The following DGAT2L6 variants were observed in gnomAD, a reference collection of about 807,000 sequenced individuals.
DGAT2L6 encodes the protein diacylglycerol O-acyltransferase 2-like protein 6.
Under a neutral mutation model 25.5 loss-of-function variants are expected in DGAT2L6, and 22 were observed. That is an observed-to-expected ratio of 0.86 (90% CI 0.62 to 1.23). DGAT2L6 has a LOEUF of 1.23. Ranked by LOEUF, DGAT2L6 falls within the 50% of genes most tolerant of loss-of-function variation. The pLI, the probability that DGAT2L6 is intolerant of heterozygous loss-of-function variation, is 0.00. For synonymous variants in DGAT2L6, 100 were observed against 94.7 expected (o/e 1.06, Z -0.32); for missense variants, 287 against 253.2 (o/e 1.13, Z -0.91).
At position 70,204,478 on chromosome X, in the gene DGAT2L6, G is replaced by GGAA; in HGVS notation, c.822_823insAAG (p.Trp274_Gly275insLys). 1 of 1,211,107 alleles carries GGAA rather than the reference G, an allele frequency of 8.3e-7. No homozygotes were observed. The highest frequency in any genetic ancestry group is 1.1e-6 in the Non-Finnish European group (1 of 895,484). On this transcript the variant is annotated inframe_insertion, in exon 6 of 7. Transcript: ENST00000333026. ...GGCCGGGGCTTCACTCGCGGATCCT[G>GGAA]GGGCTTCCTGCCTTTCAATCGGCCC...
chrX:70,178,504 G>A (rs191082185), intron 1 of DGAT2L6, among the ~76,000 whole-genome samples: 497 of 110,760 alleles, frequency 4.5e-3, no homozygotes, highest in Non-Finnish European at 6.4e-3. Flanking sequence ...AACGGCAAAC[G>A]GGCTGACAGC....
intron 1 of DGAT2L6, among the ~76,000 whole-genome samples, chrX:70,190,984 C>G (rs774707252): frequency 8.9e-6 from 1 of 112,032 alleles, no homozygotes; most frequent in Non-Finnish European, 1.9e-5. Context: ...CCGGGCCTGT[C>G]CTGCCTGCCC....
intron 5 of DGAT2L6, 126 bp from the exon 6 acceptor site, chrX:70,204,179 A>T: frequency 1.9e-6 from 1 of 516,862 alleles, no homozygotes; most frequent in Non-Finnish European, 3.3e-6. Flanking sequence ...GGACATGAAG[A>T]TGGAGATGTT....
chrX:70,192,352 T>A (rs772728410), intron 1 of DGAT2L6, among the ~76,000 whole-genome samples: 25 of 112,375 alleles, frequency 2.2e-4, no homozygotes, highest in African/African-American at 6.5e-4. Context: ...GGTGTTTAAG[T>A]TGAAATGAAA....
chrX:70,183,684 CA>C (rs1422082646), intron 1 of DGAT2L6, among the ~76,000 whole-genome samples: 1 of 111,699 alleles, frequency 9.0e-6, no homozygotes, highest in Non-Finnish European at 1.9e-5. Flanking sequence ...CTCCCTTGGA[CA>C]TCCTTTTTGG....
At chrX:70,193,318 A>G (rs1265080678) in intron 1 of DGAT2L6, among the ~76,000 whole-genome samples, 1 of 110,476 alleles carries the variant, frequency 9.1e-6, no homozygotes, top group Non-Finnish European at 1.9e-5. Flanking sequence ...AAAAGAAAAA[A>G]AAAAAAAAGG....
intron 4 of DGAT2L6, among the ~76,000 whole-genome samples, chrX:70,201,593 G>A (rs972160041): frequency 3.6e-5 from 4 of 110,530 alleles, no homozygotes; most frequent in Non-Finnish European, 7.6e-5. Flanking sequence ...AGAGGGATGA[G>A]GTGGGCTTAG....
intron 1 of DGAT2L6, among the ~76,000 whole-genome samples, chrX:70,196,530 A>G (rs1460994212): frequency 9.2e-6 from 1 of 108,464 alleles, no homozygotes; most frequent in African/African-American, 3.3e-5. Flanking sequence ...AAAAGAAAAA[A>G]GAAAGAAAGA....
intron 1 of DGAT2L6, among the ~76,000 whole-genome samples, chrX:70,185,885 T>G (rs996275839): frequency 9.1e-6 from 1 of 110,376 alleles, no homozygotes; most frequent in Non-Finnish European, 1.9e-5. Context: ...TTTGTTTTTT[T>G]TTTTTAAATT....
intron 1 of DGAT2L6, among the ~76,000 whole-genome samples, chrX:70,177,934 C>G (rs1385541489): frequency 1.8e-5 from 2 of 108,628 alleles, no homozygotes; most frequent in Non-Finnish European, 3.8e-5. Flanking sequence ...TGAGACCAGC[C>G]TGGCCAACAT....
intron 1 of DGAT2L6, among the ~76,000 whole-genome samples, chrX:70,181,978 C>G (rs1453659238): frequency 9.0e-6 from 1 of 111,599 alleles, no homozygotes; most frequent in Admixed American, 9.5e-5. Context: ...ACAGAAATGT[C>G]TGCCTTCCTC....
At chrX:70,195,606 A>C (rs1602692217) in intron 1 of DGAT2L6, among the ~76,000 whole-genome samples, 2 of 111,853 alleles carry the variant, frequency 1.8e-5, no homozygotes, top group African/African-American at 6.5e-5. Flanking sequence ...ATATGATCTC[A>C]TTAGAGCTGG....
chrX:70,195,649 T>C (rs1017000216), intron 1 of DGAT2L6, among the ~76,000 whole-genome samples: 5 of 111,822 alleles, frequency 4.5e-5, no homozygotes, highest in Admixed American at 9.5e-5. Context: ...TCCTAGCTAC[T>C]CAGGAGGCTG....
intron 1 of DGAT2L6, among the ~76,000 whole-genome samples, chrX:70,185,123 G>A (rs1285986610): frequency 9.0e-6 from 1 of 110,975 alleles, no homozygotes; most frequent in Non-Finnish European, 1.9e-5. Flanking sequence ...TTCCTTCCCA[G>A]CTTCATCTCC....
chrX:70,183,613 G>A (rs2085350499), intron 1 of DGAT2L6, among the ~76,000 whole-genome samples: 1 of 111,686 alleles, frequency 9.0e-6, no homozygotes, highest in Admixed American at 9.5e-5. Flanking sequence ...CTAACTTGAA[G>A]GTCTTCCAGA....
intron 1 of DGAT2L6, among the ~76,000 whole-genome samples, chrX:70,182,974 G>T (rs1393562795): frequency 9.2e-6 from 1 of 109,007 alleles, no homozygotes; most frequent in Non-Finnish European, 1.9e-5. Context: ...TGTATTTTTA[G>T]TAGAGACAGG....
intron 1 of DGAT2L6, among the ~76,000 whole-genome samples, chrX:70,187,911 G>A (rs148260088): frequency 0.024 from 2,652 of 112,100 alleles, 89 homozygotes; most frequent in African/African-American, 0.082. Flanking sequence ...TTGGTTTTCA[G>A]CCCTGGCCAC....
At chrX:70,177,910 T>C (rs2085331899) in intron 1 of DGAT2L6, among the ~76,000 whole-genome samples, 1 of 109,298 alleles carries the variant, frequency 9.1e-6, no homozygotes, top group South Asian at 4.0e-4. Context: ...GTGGATCACC[T>C]GAGGTCAGGA....
Position 70,182,469 on chromosome X carries a change from C to CTTTTTTTTTTTT in DGAT2L6, c.85+4819_85+4830dup. ...ACTTCTGGAGGTCTTTCAAAAGCAT[C>CTTTTTTTTTTTT]TTTTTTTTTTTTTTTTTTTTTTTTT... On this transcript the variant is annotated intron_variant, in intron 1 of 6. Transcript: ENST00000333026. 3.1e-4 allele frequency among the ~76,000 whole-genome samples: 15 copies of CTTTTTTTTTTTT among 49,143 alleles called. 2 individuals carry two copies. The highest frequency in any genetic ancestry group is 6.7e-4 in the East Asian group (1 of 1,494). The allele number at this position is 49,143 out of a possible 115,157, so 42.7% of individuals were successfully genotyped here.
Sources: allele counts gnomAD v4.1 joint callset (sites outside exome capture counted in the v4.1 genomes callset), GRCh38; gene constraint gnomAD v4.1.1; transcripts MANE v1.5; gene names NCBI Gene and HGNC (gene_info 2026-07-23, HGNC 2026-07-21).